MYO7A: variants seen among roughly 807,000 people sequenced by gnomAD.
MYO7A encodes myosin VIIA.
MYO7A carries 210 observed loss-of-function variants against 263.8 expected under a neutral mutation model. The ratio of observed to expected loss-of-function variants is 0.80; its 90% confidence interval spans 0.71 to 0.89. The LOEUF is 0.89. Ranked by LOEUF, MYO7A falls within the 40% of genes least tolerant of loss-of-function variation. MYO7A has a pLI of 0.00. For missense variants in MYO7A, 2,820 were observed against 2,968.3 expected (o/e 0.95, Z 1.16); for synonymous variants, 1,239 against 1,197.3 (o/e 1.03, Z -0.72).
chr11:77,160,598 AC>A (rs1555067884), intron 11 of MYO7A, among the ~76,000 whole-genome samples: 7 of 152,006 alleles, frequency 4.6e-5, no homozygotes. Context: ...TGTTTCTACA[AC>A]CACACGTTTG....
intron 28 of MYO7A, among the ~76,000 whole-genome samples, chr11:77,189,768 C>T (rs1325474169): frequency 6.6e-6 from 1 of 152,234 alleles, no homozygotes; most frequent in Non-Finnish European, 1.5e-5. Flanking sequence ...TGGAGCAGGT[C>T]ATGGCAGGAC....
At position 77,138,709 on chromosome 11, in the gene MYO7A, C is replaced by T. The variant is rs145259082; in HGVS notation, c.19-4000C>T. On this transcript the variant is annotated intron_variant, in intron 2 of 48. Coordinates refer to ENST00000409709, the MANE Select transcript of MYO7A (RefSeq NM_000260.4). The surrounding 1 kb of genome is among the most constrained non-coding windows in gnomAD (Gnocchi z 4.9). ...TTGCTGAGATCCAGAGCAGGGAGCACCTCCAGGTGCACAGAGGGACCCCCA... is the reference window on the plus strand; with the variant it reads ...TTGCTGAGATCCAGAGCAGGGAGCATCTCCAGGTGCACAGAGGGACCCCCA... 1.9e-3 allele frequency among the ~76,000 whole-genome samples: 285 copies of T among 152,318 alleles called. 1 individual carries two copies. The highest frequency in any genetic ancestry group is 5.8e-3 in the African/African-American group (243 of 41,574).
Position 77,202,398 on chromosome 11 carries a change from G to T in MYO7A, c.5142G>T (p.Leu1714=). ...AGGTGCGTGCCAAGCCCTACACGCT[G>T]GAGGAGTTTTCCTATGACTACTTCA... ...EPEVRAKPYT[L]EEFSYDYFRP... is the part of the protein sequence containing the mutation. Residue 1714 remains leucine, a synonymous_variant, in exon 37 of 49, where the codon CTG becomes CTT. Coordinates refer to ENST00000409709, the MANE Select transcript of MYO7A (RefSeq NM_000260.4). The T allele has an allele frequency of 6.4e-7, 1 of 1,554,016 alleles. No homozygotes were observed. The highest frequency in any genetic ancestry group is 8.7e-7 in the Non-Finnish European group (1 of 1,148,398).
chr11:77,147,765 A>G (rs781805046), intron 3 of MYO7A, 33 bp from the exon 4 acceptor site: 33 of 1,597,214 alleles, frequency 2.1e-5, no homozygotes, highest in East Asian at 6.9e-5. Context: ...CCTGGGCCCC[A>G]GGAGAGCACG....
chr11:77,174,929 G>A lies in MYO7A; in HGVS notation c.2094+15G>A. ...CCTACAAGCAGGTACAGGGCTGAGTGCACAGAGGGCAGGAGGGGAGGGTCC... is the reference window on the plus strand; with the variant it reads ...CCTACAAGCAGGTACAGGGCTGAGTACACAGAGGGCAGGAGGGGAGGGTCC... On this transcript the variant is annotated intron_variant, in intron 17 of 48. Coordinates refer to ENST00000409709, the MANE Select transcript of MYO7A (RefSeq NM_000260.4). 6.2e-7 allele frequency: 1 copy of A among 1,608,924 alleles called. No individual in the cohort carries two copies. The highest frequency in any genetic ancestry group is 2.2e-5 in the East Asian group (1 of 44,696).
chr11:77,198,168 G>A (rs1207588865), intron 33 of MYO7A, among the ~76,000 whole-genome samples: 1 of 152,192 alleles, frequency 6.6e-6, no homozygotes, highest in Admixed American at 6.5e-5. Context: ...GCTGTTCACA[G>A]AACCACCGAG....
At chr11:77,144,860 C>T (rs1324586969) in intron 3 of MYO7A, among the ~76,000 whole-genome samples, 1 of 152,232 alleles carries the variant, frequency 6.6e-6, no homozygotes, top group Non-Finnish European at 1.5e-5. Flanking sequence ...CCCTCCTTCC[C>T]TTCCTCTAGG....
chr11:77,162,601 G>T (rs1953104507), intron 13 of MYO7A, among the ~76,000 whole-genome samples: 2 of 152,192 alleles, frequency 1.3e-5, no homozygotes, highest in Non-Finnish European at 2.9e-5. Context: ...GGGAGGGGGA[G>T]AGGGGATTGC....
chr11:77,184,522 C>T lies in MYO7A; in HGVS notation c.3376-66C>T, dbSNP rs1955514751. The T allele has an allele frequency of 4.9e-6, 7 of 1,424,340 alleles. No individual in the cohort carries two copies. The African/African-American group carries it at 7.1e-5, about 14-fold the overall frequency. The allele number at this position is 1,424,340 out of a possible 1,614,324, so 88.2% of individuals were successfully genotyped here. On this transcript the variant is annotated intron_variant, in intron 26 of 48. Coordinates refer to ENST00000409709, the MANE Select transcript of MYO7A (RefSeq NM_000260.4). ...TCTGGGGAGCAGGCAGCCTCGGGTG[C>T]TGGTGCCCTGGCTGGCAGGGGAACA...
chr11:77,154,345 A>T (rs2135795749), intron 4 of MYO7A, among the ~76,000 whole-genome samples: 1 of 152,138 alleles, frequency 6.6e-6, no homozygotes, highest in South Asian at 2.1e-4. Flanking sequence ...ACTATAGGGG[A>T]TGATGGCTGA....
rs782210413 is a variant in MYO7A at position 77,166,200 on chromosome 11, C to T, written c.1797+38C>T. ...CGGTTTCTGTTGTTCGGGAAGGGCC[C>T]CCACGGGCCAGGCCTGAGTCTAAGC... is the stretch of plus-strand genomic sequence containing the variant. On this transcript the variant is annotated intron_variant, in intron 15 of 48. Coordinates refer to ENST00000409709, the MANE Select transcript of MYO7A (RefSeq NM_000260.4). 3.2e-6 allele frequency: 5 copies of T among 1,572,398 alleles called. No homozygotes were observed. In the Admixed American group the frequency reaches 8.4e-5, roughly 26 times the overall value.
At chr11:77,173,082 C>T (rs915808338) in intron 16 of MYO7A, among the ~76,000 whole-genome samples, 197 bp downstream of exon 16, 22 of 152,156 alleles carry the variant, frequency 1.4e-4, no homozygotes, top group African/African-American at 2.7e-4. Context: ...CTAGACTCTG[C>T]GGGGGGTTGC....
chr11:77,192,967 G>C (rs1207274020), intron 31 of MYO7A, among the ~76,000 whole-genome samples: 1 of 28,230 alleles, frequency 3.5e-5, no homozygotes, highest in African/African-American at 2.9e-4. Context: ...TGTTGGTGAT[G>C]GTGGAGGTAG....
intron 35 of MYO7A, among the ~76,000 whole-genome samples, chr11:77,200,915 C>A (rs892210610): frequency 1.3e-5 from 2 of 152,126 alleles, no homozygotes; most frequent in Admixed American, 1.3e-4. Context: ...ATGAAATGGA[C>A]CCCACCCTGT....
chr11:77,159,357 A>G, intron 9 of MYO7A, 90 bp from the exon 10 acceptor site: 1 of 1,216,166 alleles, frequency 8.2e-7, no homozygotes, highest in Non-Finnish European at 1.2e-6. Flanking sequence ...CCCCGGCAGC[A>G]GGAGTGGCAG....
intron 27 of MYO7A, among the ~76,000 whole-genome samples, chr11:77,186,866 G>T (rs1443683945): frequency 2.0e-5 from 3 of 152,136 alleles, no homozygotes; most frequent in African/African-American, 7.2e-5. Flanking sequence ...GGTCTATCTC[G>T]GCTTTCAACA....
chr11:77,156,981 G>A lies in MYO7A; in HGVS notation c.712G>A (p.Glu238Lys). ...CGCGAAGATTGAGCAGTACCTGCTG[G>A]AAAAGTCACGTGTCTGTCGCCAGGT... ...EGAKIEQYLL[E>K]KSRVCRQALD... The change falls in exon 7 of 49, where the codon GAA becomes AAA. Residue 238 changes from glutamate (E) to lysine (K), a missense_variant. Transcript: ENST00000409709. 6.2e-7 allele frequency: 1 copy of A among 1,613,656 alleles called. No individual in the cohort carries two copies. The highest frequency in any genetic ancestry group is 8.5e-7 in the Non-Finnish European group (1 of 1,179,812).
intron 3 of MYO7A, among the ~76,000 whole-genome samples, chr11:77,146,362 G>A (rs1167140181): frequency 6.6e-6 from 1 of 152,156 alleles, no homozygotes; most frequent in Non-Finnish European, 1.5e-5. Flanking sequence ...TCAGGAGGGT[G>A]CCTCAGGAAA....
chr11:77,179,036 C>G lies in MYO7A; in HGVS notation c.2283-9C>G, dbSNP rs1954923781. ...ACACTGCTCACCCGCGCCACTACTG[C>G]TGTTTCAGGTCTAACTTTCTGAAGC... On this transcript the variant is annotated splice_polypyrimidine_tract_variant and intron_variant, in intron 19 of 48. Coordinates refer to ENST00000409709, the MANE Select transcript of MYO7A (RefSeq NM_000260.4). The G allele has an allele frequency of 6.3e-7, 1 of 1,597,858 alleles. No individual in the cohort carries two copies. Among genetic ancestry groups the G allele is most frequent in the African/African-American group, 1.3e-5 (1 of 74,594 alleles).
Sources: gnomAD v4.1 joint callset for allele counts (sites outside exome capture counted in the v4.1 genomes callset) on GRCh38, gnomAD v4.1.1 for gene constraint, Gnocchi (gnomAD v3.1) non-coding constraint, MANE v1.5 for transcripts, NCBI Gene and HGNC (gene_info 2026-07-23, HGNC 2026-07-21) for gene names.